Variants in NRCAM observed in about 807,000 individuals in gnomAD.
NRCAM encodes neuronal cell adhesion molecule.
A neutral mutation model predicts 156.5 loss-of-function variants in NRCAM; 83 were observed. The ratio of observed to expected loss-of-function variants is 0.53; its 90% CI spans 0.44 to 0.64. NRCAM has a LOEUF of 0.64. NRCAM is among the 30% of genes least tolerant of loss of function. The probability of loss-of-function intolerance (pLI) is 0.00; values close to 1 mark genes in which losing one functional copy is unlikely to be tolerated. For missense variants in NRCAM, 1,417 were observed against 1,597.3 expected (o/e 0.89, Z 1.92); for synonymous variants, 538 against 563.9 (o/e 0.95, Z 0.65).
intron 1 of NRCAM, among the ~76,000 whole-genome samples, chr7:108,445,274 T>C (rs1196939011): frequency 6.6e-6 from 1 of 152,238 alleles, no homozygotes; most frequent in Non-Finnish European, 1.5e-5. Flanking sequence ...TTGCTGACTC[T>C]TATTTTATCA....
intron 2 of NRCAM, among the ~76,000 whole-genome samples, chr7:108,326,092 C>T (rs1157090653): frequency 6.6e-6 from 1 of 151,978 alleles, no homozygotes; most frequent in Non-Finnish European, 1.5e-5. Context: ...TTGTAATCTT[C>T]AACAGAAAAA....
chr7:108,340,201 G>T (rs1430143268), intron 2 of NRCAM, among the ~76,000 whole-genome samples: 1 of 131,020 alleles, frequency 7.6e-6, no homozygotes, highest in Non-Finnish European at 1.7e-5. Context: ...TGGTCCAAAA[G>T]GAGATAGACA....
chr7:108,191,348 C>G lies in NRCAM; in HGVS notation c.1904-65G>C, dbSNP rs959953407. 4.1e-6 allele frequency: 5 copies of G among 1,210,292 alleles called. No homozygotes were observed. In the African/African-American group the frequency reaches 7.6e-5, roughly 18 times the overall value. The allele number at this position is 1,210,292 out of a possible 1,614,324, so 75.0% of individuals were successfully genotyped here. On this transcript the variant is annotated intron_variant, in intron 18 of 32. Transcript: ENST00000379028. The stretch of plus-strand genomic sequence containing the variant: ...AGTAATGGAAAGATACAAGATAGCA[C>G]AAGATGACAAAGACTGTACATTATT...
chr7:108,188,397 GT>G (rs2068637784), intron 20 of NRCAM, among the ~76,000 whole-genome samples: 1 of 151,306 alleles, frequency 6.6e-6, no homozygotes, highest in Non-Finnish European at 1.5e-5. Context: ...GTGTGTGTGT[GT>G]GTATATATAC....
chr7:108,377,917 T>C (rs17155617), intron 2 of NRCAM, among the ~76,000 whole-genome samples: 19,998 of 152,164 alleles, frequency 0.13, 2,018 homozygotes, highest in African/African-American at 0.28. Context: ...ATTCTCTGTA[T>C]GACATCCCCC....
chr7:108,344,118 C>T (rs1264828339), intron 2 of NRCAM, among the ~76,000 whole-genome samples: 1 of 152,130 alleles, frequency 6.6e-6, no homozygotes, highest in Non-Finnish European at 1.5e-5. Context: ...GAGCGGTCAT[C>T]GGCCAACCTC....
At chr7:108,409,162 C>T (rs1032983501) in intron 1 of NRCAM, among the ~76,000 whole-genome samples, 9 of 152,132 alleles carry the variant, frequency 5.9e-5, no homozygotes, top group Admixed American at 3.3e-4. Context: ...GTAGGATCAA[C>T]GCGTGCAGAG....
At chr7:108,385,943 G>C (rs2099739572) in intron 2 of NRCAM, among the ~76,000 whole-genome samples, 1 of 151,920 alleles carries the variant, frequency 6.6e-6, no homozygotes, top group South Asian at 2.1e-4. Flanking sequence ...GGGAAAGAGA[G>C]AGAATATGAA....
At chr7:108,365,664 A>C (rs2099587466) in intron 2 of NRCAM, among the ~76,000 whole-genome samples, 1 of 152,232 alleles carries the variant, frequency 6.6e-6, no homozygotes, top group Non-Finnish European at 1.5e-5. Flanking sequence ...TACAAACAGC[A>C]TGCCCTTCTT....
chr7:108,306,278 T>C (rs534993243), intron 3 of NRCAM, among the ~76,000 whole-genome samples: 1 of 152,374 alleles, frequency 6.6e-6, no homozygotes, highest in African/African-American at 2.4e-5. Context: ...CTTCTTTATA[T>C]AATGGCTTCA....
chr7:108,345,733 G>A (rs2099348718), intron 2 of NRCAM, among the ~76,000 whole-genome samples: 1 of 152,196 alleles, frequency 6.6e-6, no homozygotes, highest in South Asian at 2.1e-4. Flanking sequence ...TGACATCTTG[G>A]TCTTGGACTC....
At chr7:108,431,109 C>G (rs1305193632) in intron 1 of NRCAM, among the ~76,000 whole-genome samples, 2 of 152,186 alleles carry the variant, frequency 1.3e-5, no homozygotes, top group African/African-American at 4.8e-5. Context: ...GACTTATTAC[C>G]TCATTTTCTC....
In NRCAM at chr7:108,338,875, T is replaced by C. The variant is rs182195961; in HGVS notation, c.-173-26144A>G. On this transcript the variant is annotated intron_variant, in intron 2 of 32. Coordinates refer to ENST00000379028, the MANE Select transcript of NRCAM (RefSeq NM_001037132.4). ...ACTGAGACCGCTGACAACCCATAGC[T>C]TTCCTATAAAAAATCCTTAACCCAG... Among the ~76,000 whole-genome samples, 132 of 152,330 alleles carry C rather than the reference T, an allele frequency of 8.7e-4. 1 individual carries two copies. The highest frequency in any genetic ancestry group is 3.0e-3 in the African/African-American group (126 of 41,584).
intron 11 of NRCAM, among the ~76,000 whole-genome samples, chr7:108,215,800 T>C (rs1397966815): frequency 1.3e-5 from 2 of 151,832 alleles, no homozygotes; most frequent in African/African-American, 4.8e-5. Context: ...TGAGCCTATG[T>C]GTGTATTTGC....
intron 8 of NRCAM, among the ~76,000 whole-genome samples, chr7:108,227,375 A>G (rs2093647997): frequency 6.6e-6 from 1 of 152,234 alleles, no homozygotes; most frequent in African/African-American, 2.4e-5. Flanking sequence ...ACAATGTGAT[A>G]TTTCAATACA....
intron 3 of NRCAM, among the ~76,000 whole-genome samples, chr7:108,289,002 G>A (rs1171273077): frequency 6.6e-6 from 1 of 152,030 alleles, no homozygotes; most frequent in African/African-American, 2.4e-5. Context: ...GATTGGAATA[G>A]CACATGAATT....
intron 32 of NRCAM, among the ~76,000 whole-genome samples, chr7:108,154,716 C>T (rs955509459): frequency 1.2e-4 from 18 of 152,022 alleles, no homozygotes; most frequent in Non-Finnish European, 1.9e-4. Context: ...AATTAGAATC[C>T]GGTTAAATGA....
intron 10 of NRCAM, among the ~76,000 whole-genome samples, chr7:108,224,674 T>C (rs1362154895): frequency 5.3e-5 from 8 of 152,142 alleles, no homozygotes; most frequent in Admixed American, 5.2e-4. Context: ...AAAAATTTAA[T>C]GAAAAGGTCA....
chr7:108,200,656 CAT>C (rs2077437530), intron 13 of NRCAM, among the ~76,000 whole-genome samples: 1 of 152,018 alleles, frequency 6.6e-6, no homozygotes, highest in Admixed American at 6.6e-5. Context: ...CTTGCACACA[CAT>C]GTTGATAGCA....
Sources: allele counts gnomAD v4.1 joint callset (sites outside exome capture counted in the v4.1 genomes callset), GRCh38; gene constraint gnomAD v4.1.1; transcripts MANE v1.5; gene names NCBI Gene and HGNC (gene_info 2026-07-23, HGNC 2026-07-21).